Variants in GPHN observed in about 807,000 individuals in gnomAD.
GPHN encodes gephyrin.
GPHN carries 17 observed loss-of-function variants against 95.5 expected under a neutral mutation model. The observed-to-expected ratio is 0.18, with a 90% CI of 0.12 to 0.27. The LOEUF (loss-of-function observed/expected upper bound fraction) is 0.27, where lower values mean the gene tolerates loss of function less well. GPHN is among the 10% of genes least tolerant of loss of function. The pLI is 1.00. For missense variants in GPHN, 660 were observed against 978.1 expected (o/e 0.67, Z 4.34); for synonymous variants, 320 against 322.5 (o/e 0.99, Z 0.08).
chr14:67,583,443 G>A, the GPHN span, among the ~76,000 whole-genome samples: 1 of 152,158 alleles, frequency 6.6e-6, no homozygotes, highest in African/African-American at 2.4e-5. Flanking sequence ...CTGGAAGCCA[G>A]AATTTCCACA....
intron 3 of GPHN, among the ~76,000 whole-genome samples, chr14:66,804,487 A>C (rs1176766763): frequency 6.6e-6 from 1 of 152,134 alleles, no homozygotes; most frequent in Non-Finnish European, 1.5e-5. Context: ...TCTGTATACC[A>C]CCAGAATCTA....
chr14:67,378,548 CAG>C, the GPHN span, among the ~76,000 whole-genome samples: 1 of 152,142 alleles, frequency 6.6e-6, no homozygotes, highest in Non-Finnish European at 1.5e-5. Flanking sequence ...TGGCTCCATC[CAG>C]AGTTTGCACT....
chr14:67,397,885 GGGAGGGGGT>G, the GPHN span: 2 of 1,415,672 alleles, frequency 1.4e-6, no homozygotes. Context: ...ATGGTGTTCA[GGGAGGGGGT>G]GTCTGGTGGC....
the GPHN span, chr14:67,726,083 G>A: frequency 6.2e-7 from 1 of 1,614,078 alleles, no homozygotes; most frequent in Non-Finnish European, 8.5e-7. Flanking sequence ...GATCAACAAT[G>A]CGGGAGTAAT....
chr14:66,816,696 G>T (rs1281990686), intron 3 of GPHN, among the ~76,000 whole-genome samples: 1 of 152,106 alleles, frequency 6.6e-6, no homozygotes, highest in East Asian at 1.9e-4. Context: ...CATCAAAAAA[G>T]TTAGAAAGAT....
At chr14:67,570,045 C>A in the GPHN span, 2 of 1,409,350 alleles carry the variant, frequency 1.4e-6, no homozygotes, top group Non-Finnish European at 2.0e-6. Flanking sequence ...GGGGGTGTCT[C>A]ATCAGGAAAG....
intron 2 of GPHN, among the ~76,000 whole-genome samples, chr14:66,733,655 T>C (rs1385166359): frequency 6.6e-6 from 1 of 152,208 alleles, no homozygotes; most frequent in Non-Finnish European, 1.5e-5. Flanking sequence ...ATTAACTTTA[T>C]TTATCAAAGA....
chr14:67,359,880 A>G, the GPHN span: 3 of 671,992 alleles, frequency 4.5e-6, no homozygotes, highest in Admixed American at 5.1e-5. Flanking sequence ...GTCACAGGCG[A>G]CGAAGGGGGA....
chr14:67,717,012 T>C, the GPHN span, among the ~76,000 whole-genome samples: 1 of 152,240 alleles, frequency 6.6e-6, no homozygotes, highest in African/African-American at 2.4e-5. Flanking sequence ...TTTTACTTCC[T>C]TCTATCAATC....
the GPHN span, among the ~76,000 whole-genome samples, chr14:67,499,241 T>A: frequency 1.3e-5 from 2 of 152,122 alleles, no homozygotes; most frequent in Non-Finnish European, 2.9e-5. Flanking sequence ...TGGCCTCAAG[T>A]GATCCTCCTG....
At chr14:67,048,263 A>G (rs2075134922) in intron 10 of GPHN, among the ~76,000 whole-genome samples, 1 of 152,222 alleles carries the variant, frequency 6.6e-6, no homozygotes. Context: ...GAGTTCTTAC[A>G]TAGTCTTTTC....
chr14:67,585,284 T>C, the GPHN span: 1 of 337,012 alleles, frequency 3.0e-6, no homozygotes, highest in Non-Finnish European at 5.5e-6. Flanking sequence ...TTCCATCCAG[T>C]GTGCTGTGGC....
At chr14:67,569,982 C>T in the GPHN span, 2 of 1,607,430 alleles carry the variant, frequency 1.2e-6, no homozygotes, top group African/African-American at 1.3e-5. Flanking sequence ...ACAAGAATGT[C>T]ACTGTGCCTG....
At chr14:67,478,349 A>G in the GPHN span, among the ~76,000 whole-genome samples, 2 of 151,808 alleles carry the variant, frequency 1.3e-5, no homozygotes, top group South Asian at 4.2e-4. Flanking sequence ...CACCCTTACC[A>G]CCTCTTAAAT....
At chr14:67,226,766 C>T in the GPHN span, among the ~76,000 whole-genome samples, 1 of 152,192 alleles carries the variant, frequency 6.6e-6, no homozygotes, top group Admixed American at 6.5e-5. Flanking sequence ...GTCCACACTC[C>T]ATAATTCCCT....
the GPHN span, chr14:67,533,752 C>T: frequency 7.9e-5 from 12 of 152,274 alleles, no homozygotes; most frequent in Non-Finnish European, 1.5e-5. Flanking sequence ...CGCACCCCTC[C>T]CCATCTCACC....
intron 17 of GPHN, among the ~76,000 whole-genome samples, chr14:67,127,375 C>T (rs988935755): frequency 1.2e-4 from 18 of 148,120 alleles, no homozygotes; most frequent in Admixed American, 3.4e-4. Flanking sequence ...GCCGAATTGA[C>T]ATAAAAAACA....
the GPHN span, among the ~76,000 whole-genome samples, chr14:67,508,052 T>C: frequency 6.6e-6 from 1 of 151,404 alleles, no homozygotes. Flanking sequence ...GCAGGAGAAT[T>C]GCTTGAACCC....
At chr14:67,544,282 G>A in the GPHN span, among the ~76,000 whole-genome samples, 7 of 152,098 alleles carry the variant, frequency 4.6e-5, no homozygotes, top group Admixed American at 1.3e-4. Context: ...AGAACCTGAC[G>A]ATAACACTGG....
Sources: gnomAD v4.1 joint callset for allele counts (sites outside exome capture counted in the v4.1 genomes callset) on GRCh38, gnomAD v4.1.1 for gene constraint, MANE v1.5 for transcripts, NCBI Gene and HGNC (gene_info 2026-07-23, HGNC 2026-07-21) for gene names.